TEX9: variants seen among roughly 807,000 people sequenced by gnomAD.
TEX9 encodes the protein testis expressed 9.
In TEX9, 74 loss-of-function variants were observed where a neutral mutation model predicts 59.6. The observed-to-expected ratio is 1.24, with a 90% confidence interval of 1.03 to 1.51. The LOEUF is 1.51. TEX9 is among the 40% of genes most tolerant of loss of function. The probability of loss-of-function intolerance (pLI) is 0.00; values close to 1 mark genes in which losing one functional copy is unlikely to be tolerated. For missense variants in TEX9, 522 were observed against 447.8 expected (o/e 1.17, Z -1.49); for synonymous variants, 186 against 152.2 (o/e 1.22, Z -1.64).
At chr15:56,394,867 C>T (rs16976896) in intron 9 of TEX9, 33 bp downstream of exon 9, 18,085 of 1,578,536 alleles carry the variant, frequency 0.011, 669 homozygotes, top group East Asian at 0.1. Flanking sequence ...AACTTAATGC[C>T]ACAGATACAA....
chr15:56,376,374 T>C (rs1305602919), intron 3 of TEX9, among the ~76,000 whole-genome samples: 1 of 152,134 alleles, frequency 6.6e-6, no homozygotes, highest in Admixed American at 6.6e-5. Flanking sequence ...CCACCAACAG[T>C]GTACTAGGGT....
At chr15:56,270,009 G>C (rs1479590200) in intron 1 of TEX9, among the ~76,000 whole-genome samples, 2 of 152,152 alleles carry the variant, frequency 1.3e-5, no homozygotes, top group African/African-American at 4.8e-5. Flanking sequence ...TGGTCTGAGA[G>C]ACAGTTTGTT....
intron 12 of TEX9, chr15:56,429,640 AG>A (rs1394743659): frequency 6.5e-6 from 1 of 152,794 alleles, no homozygotes; most frequent in African/African-American, 2.4e-5. Context: ...AAAAGAATCC[AG>A]GTTTGGAGTT....
intron 1 of TEX9, among the ~76,000 whole-genome samples, chr15:56,246,093 G>A (rs1596038833): frequency 1.3e-5 from 2 of 152,266 alleles, no homozygotes; most frequent in Admixed American, 1.3e-4. Flanking sequence ...TTTATAAAAA[G>A]TTCGCTACCG....
chr15:56,446,989 G>A (rs775109221), downstream of TEX9: 8 of 1,335,986 alleles, frequency 6.0e-6, no homozygotes, highest in Non-Finnish European at 8.4e-6. Flanking sequence ...GACCATAAGA[G>A]AATGAAAACC....
intron 1 of TEX9, among the ~76,000 whole-genome samples, chr15:56,267,887 G>C (rs1284522212): frequency 1.3e-5 from 2 of 152,154 alleles, no homozygotes; most frequent in Non-Finnish European, 2.9e-5. Context: ...AGCTTGATGG[G>C]GATGGCATTG....
intron 1 of TEX9, among the ~76,000 whole-genome samples, chr15:56,250,242 A>G (rs2043983184): frequency 6.6e-6 from 1 of 152,268 alleles, no homozygotes; most frequent in African/African-American, 2.4e-5. Flanking sequence ...GGTGAGATAT[A>G]TAAGATTAAA....
chr15:56,374,880 CATT>C (rs2047359417), intron 3 of TEX9, among the ~76,000 whole-genome samples: 1 of 152,126 alleles, frequency 6.6e-6, no homozygotes, highest in Admixed American at 6.6e-5. Context: ...GACAGGGCCT[CATT>C]ATTTTTTATG....
chr15:56,259,542 G>C (rs1025583897), intron 1 of TEX9, among the ~76,000 whole-genome samples: 2 of 151,926 alleles, frequency 1.3e-5, no homozygotes, highest in Non-Finnish European at 2.9e-5. Context: ...TGGCATCATT[G>C]TTGTACATCA....
chr15:56,258,702 C>T (rs2044197318), intron 1 of TEX9, among the ~76,000 whole-genome samples: 1 of 151,710 alleles, frequency 6.6e-6, no homozygotes, highest in Non-Finnish European at 1.5e-5. Flanking sequence ...ATGGTTTATT[C>T]TTATTTAGAT....
chr15:56,421,422 C>A (rs1201841393), intron 10 of TEX9: 2 of 151,868 alleles, frequency 1.3e-5, no homozygotes, highest in Non-Finnish European at 2.9e-5. Context: ...CATGTCAGCA[C>A]TCAAAAAGTT....
intron 9 of TEX9, among the ~76,000 whole-genome samples, chr15:56,405,522 T>G (rs1384082181): frequency 1.3e-5 from 2 of 152,162 alleles, no homozygotes; most frequent in Non-Finnish European, 2.9e-5. Context: ...GTTTAATACT[T>G]GAGACTTCTA....
At chr15:56,367,076 C>A (rs141766530) in intron 2 of TEX9, among the ~76,000 whole-genome samples, 52 of 152,194 alleles carry the variant, frequency 3.4e-4, no homozygotes, top group African/African-American at 1.2e-3. Context: ...GTATTTTGCA[C>A]CTGGTTCTGG....
chr15:56,294,026 C>T (rs1881723719), intron 1 of TEX9, among the ~76,000 whole-genome samples: 1 of 152,216 alleles, frequency 6.6e-6, no homozygotes, highest in Admixed American at 6.5e-5. Flanking sequence ...TGAGGGCAGT[C>T]TTGTGTAGAC....
chr15:56,259,391 C>T (rs1440918652), intron 1 of TEX9, among the ~76,000 whole-genome samples: 3 of 151,960 alleles, frequency 2.0e-5, no homozygotes, highest in African/African-American at 7.2e-5. Context: ...TACTGTTTTT[C>T]TTTCACATGA....
intron 9 of TEX9, among the ~76,000 whole-genome samples, chr15:56,404,898 C>T (rs1009054452): frequency 5.3e-5 from 8 of 152,056 alleles, no homozygotes; most frequent in Admixed American, 1.3e-4. Context: ...AACCAAACAC[C>T]GCATGTTCTC....
At chr15:56,315,860 T>C (rs1441245090) in intron 1 of TEX9, among the ~76,000 whole-genome samples, 1 of 150,264 alleles carries the variant, frequency 6.7e-6, no homozygotes, top group Admixed American at 6.8e-5. Context: ...CTTTTTATTA[T>C]TTTTTCTCTA....
chr15:56,444,701 C>T (rs753698076), intron 12 of TEX9: 21 of 1,570,064 alleles, frequency 1.3e-5, no homozygotes, highest in East Asian at 2.2e-5. Flanking sequence ...TTGATCTTTC[C>T]GTTTTCAAAT....
At chr15:56,338,956 T>C (rs188595502) in intron 1 of TEX9, among the ~76,000 whole-genome samples, 2 of 152,270 alleles carry the variant, frequency 1.3e-5, no homozygotes, top group East Asian at 3.9e-4. Flanking sequence ...TGAATCTTTA[T>C]AGGGGTGTCC....
Sources: allele counts gnomAD v4.1 joint callset (sites outside exome capture counted in the v4.1 genomes callset), GRCh38; gene constraint gnomAD v4.1.1; transcripts MANE v1.5; gene names NCBI Gene and HGNC (gene_info 2026-07-23, HGNC 2026-07-21).